ZEB2: variants seen among roughly 807,000 people sequenced by gnomAD.
ZEB2 encodes zinc finger E-box binding homeobox 2.
ZEB2 carries 6 observed loss-of-function variants against 99.9 expected under a neutral mutation model. The observed-to-expected ratio is 0.06, with a 90% confidence interval of 0.03 to 0.12. ZEB2 has a LOEUF of 0.12. ZEB2 is among the 10% of genes least tolerant of loss of function. The probability of loss-of-function intolerance (pLI) is 1.00; values close to 1 mark genes in which losing one functional copy is unlikely to be tolerated. For missense variants in ZEB2, 969 were observed against 1,502.8 expected (o/e 0.64, Z 5.87); for synonymous variants, 517 against 542.5 (o/e 0.95, Z 0.65).
chr2:144,513,611 G>A, intron 2 of ZEB2: 2 of 1,531,042 alleles, frequency 1.3e-6, no homozygotes, highest in African/African-American at 1.4e-5. Flanking sequence ...CTGGAAGGTG[G>A]CGGGATGGGG....
chr2:144,436,221 T>A (rs1477616411), intron 2 of ZEB2, among the ~76,000 whole-genome samples: 4 of 152,172 alleles, frequency 2.6e-5, no homozygotes, highest in Non-Finnish European at 5.9e-5. Context: ...TTTGAAATAT[T>A]CAGATGGAAT....
At chr2:144,405,165 G>C in intron 4 of ZEB2, 141 bp from the exon 5 acceptor site, 1 of 913,372 alleles carries the variant, frequency 1.1e-6, no homozygotes, top group Non-Finnish European at 1.7e-6. Flanking sequence ...TGTTGAAGAT[G>C]ACCGATTATT....
At position 144,398,318 on chromosome 2, in the gene ZEB2, G is replaced by C; in HGVS notation, c.2869C>G (p.Arg957Gly). Residue 957 changes from arginine (R) to glycine (G), a missense_variant, in exon 8 of 10, where the codon CGG becomes GGG. Arg to Gly is a moderately radical substitution (Grantham distance 125). Around this residue, in one of 8 missense-constraint regions of ZEB2, gnomAD observed 346 missense variants for 460.0 expected, o/e 0.75. Transcript: ENST00000627532. ...CTCTTTACCTGAAATCCTTGTTTCC[G>C]CTGGTACTTTCTCCTTTGCTGCATA... is the stretch of plus-strand genomic sequence containing the variant. ...ADMQQRRKYQRKQGFQGELLD... is the reference protein window; with the variant it reads ...ADMQQRRKYQGKQGFQGELLD... The C allele has an allele frequency of 6.2e-7, 1 of 1,613,516 alleles. No homozygotes were observed. The highest frequency in any genetic ancestry group is 8.5e-7 in the Non-Finnish European group (1 of 1,179,858).
At chr2:144,513,546 G>A (rs1705077546) in intron 2 of ZEB2, 3 of 1,529,802 alleles carry the variant, frequency 2.0e-6, no homozygotes, top group Non-Finnish European at 2.6e-6. Flanking sequence ...GCAGTTTCCG[G>A]ATTTGATTTT....
intron 4 of ZEB2, among the ~76,000 whole-genome samples, chr2:144,421,226 T>C (rs915101409): frequency 1.1e-4 from 16 of 152,186 alleles, no homozygotes; most frequent in African/African-American, 3.9e-4. Flanking sequence ...TCCATGGCGA[T>C]AAAGCAGCCC....
intron 2 of ZEB2, chr2:144,448,757 A>T (rs1278581383): frequency 1.3e-5 from 2 of 152,244 alleles, no homozygotes; most frequent in Non-Finnish European, 1.5e-5. Flanking sequence ...AGCTCCACAC[A>T]GTCCTACAGC....
At chr2:144,448,182 T>G (rs186451649) in intron 2 of ZEB2, among the ~76,000 whole-genome samples, 1 of 152,170 alleles carries the variant, frequency 6.6e-6, no homozygotes, top group Non-Finnish European at 1.5e-5. Context: ...TGACTTACAG[T>G]GGTAAGATTT....
chr2:144,490,554 TAC>T (rs1704662672), intron 2 of ZEB2, among the ~76,000 whole-genome samples: 3 of 152,228 alleles, frequency 2.0e-5, no homozygotes, highest in Non-Finnish European at 4.4e-5. Context: ...ACTGTTATTT[TAC>T]AGTTAGAGAT....
Position 144,389,791 on chromosome 2 carries a change from T to C in ZEB2, c.3305A>G (p.Glu1102Gly), listed in dbSNP as rs1299113124. ...CCGGTTCATCAGCAGCTCGGTGGGTTCCAAGTGCCCTTTCTCGCGCGCCTC... is the reference window on the plus strand; with the variant it reads ...CCGGTTCATCAGCAGCTCGGTGGGTCCCAAGTGCCCTTTCTCGCGCGCCTC... ...EREAREKGHL[E>G]PTELLMNRAY... Residue 1102 changes from glutamate (E) to glycine (G), a missense_variant, in exon 10 of 10, where the codon GAA becomes GGA. Glu to Gly is a moderately conservative substitution (Grantham distance 98). Transcript: ENST00000627532. The surrounding 1 kb of genome is among the most constrained non-coding windows in gnomAD (Gnocchi z 6.8). 14 of 1,610,570 alleles carry C rather than the reference T, an allele frequency of 8.7e-6. No individual in the cohort carries two copies. Among genetic ancestry groups the C allele is most frequent in the Non-Finnish European group, 1.2e-5 (14 of 1,177,696 alleles).
intron 2 of ZEB2, among the ~76,000 whole-genome samples, chr2:144,488,456 T>C (rs1704629275): frequency 6.6e-6 from 1 of 152,210 alleles, no homozygotes; most frequent in East Asian, 1.9e-4. Flanking sequence ...TTTAAATGAA[T>C]ACTGCTTAAA....
At chr2:144,430,796 C>T (rs1468798828) in intron 2 of ZEB2, 1 of 152,786 alleles carries the variant, frequency 6.5e-6, no homozygotes, top group Non-Finnish European at 1.5e-5. Context: ...TGCTCAGTAG[C>T]TTTTCTTAAA....
At chr2:144,456,572 T>C (rs1192652952) in intron 2 of ZEB2, among the ~76,000 whole-genome samples, 2 of 152,154 alleles carry the variant, frequency 1.3e-5, no homozygotes, top group South Asian at 2.1e-4. Flanking sequence ...TTCTTTAATA[T>C]ACTGTGTATC....
chr2:144,389,362 G>C lies in ZEB2; in HGVS notation c.*89C>G. ...ACAGCTTCCTGGAAGCGTCAGGCAC[G>C]TGCATGAACAGCTTAACACAGCAGT... On this transcript the variant is annotated 3_prime_UTR_variant, in exon 10 of 10. Coordinates refer to ENST00000627532, the MANE Select transcript of ZEB2 (RefSeq NM_014795.4). This position sits in a 1 kb window ranked among gnomAD's most constrained non-coding sequence, Gnocchi z 6.8. The C allele has an allele frequency of 1.2e-5, 17 of 1,454,660 alleles. No individual in the cohort carries two copies. Among genetic ancestry groups the C allele is most frequent in the Non-Finnish European group, 1.6e-5 (17 of 1,037,768 alleles). 90.1% of individuals were successfully genotyped at this position (1,454,660 alleles called of 1,614,324 possible).
intron 4 of ZEB2, among the ~76,000 whole-genome samples, chr2:144,412,348 T>G (rs542078997): frequency 6.6e-6 from 1 of 152,376 alleles, no homozygotes; most frequent in African/African-American, 2.4e-5. Context: ...AAATTTGGAA[T>G]TGGCATATTA....
At chr2:144,496,252 G>A (rs1289125913) in intron 2 of ZEB2, 3 of 152,182 alleles carry the variant, frequency 2.0e-5, no homozygotes, top group Non-Finnish European at 4.4e-5. Flanking sequence ...TCATAAGGCC[G>A]AGGAAGGCCT....
chr2:144,397,800 C>A, intron 8 of ZEB2: 1 of 258,482 alleles, frequency 3.9e-6, no homozygotes, highest in Non-Finnish European at 7.7e-6. Context: ...AGCACTACAC[C>A]CAGCTAATTT....
Position 144,398,617 on chromosome 2 carries a change from T to C in ZEB2, c.2570A>G (p.Asp857Gly). Residue 857 changes from aspartate (D) to glycine (G), a missense_variant, in exon 8 of 10, where the codon GAT becomes GGT. Asp to Gly is a moderately conservative substitution (Grantham distance 94). Around this residue, in one of 8 missense-constraint regions of ZEB2, gnomAD observed 346 missense variants for 460.0 expected, o/e 0.75. Coordinates refer to ENST00000627532, the MANE Select transcript of ZEB2 (RefSeq NM_014795.4). ...GATAAAAGTCAAGTTCAGAGGCTCA[T>C]CTGAGTTTTCAGATGAGGAAGAAAC... Reference protein sequence around the residue: ...NSVSSSSENSDEPLNLTFIKK... With the variant: ...NSVSSSSENSGEPLNLTFIKK... The C allele has an allele frequency of 6.2e-7, 1 of 1,614,196 alleles. No individual in the cohort carries two copies. The highest frequency in any genetic ancestry group is 1.7e-4 in the Middle Eastern group (1 of 6,058).
At chr2:144,414,335 G>A (rs1187567258) in intron 4 of ZEB2, among the ~76,000 whole-genome samples, 4 of 152,032 alleles carry the variant, frequency 2.6e-5, no homozygotes, top group Non-Finnish European at 5.9e-5. Flanking sequence ...TGAAAATGTT[G>A]GGCCCCTCAT....
intron 2 of ZEB2, chr2:144,494,266 A>G (rs1468238391): frequency 6.6e-6 from 1 of 152,112 alleles, no homozygotes; most frequent in Non-Finnish European, 1.5e-5. Context: ...CTCTTAAACT[A>G]TGTCCTATCA....
Sources: allele counts gnomAD v4.1 joint callset (sites outside exome capture counted in the v4.1 genomes callset), GRCh38; gene constraint gnomAD v4.1.1; regional missense constraint gnomAD v4.1.1; non-coding constraint Gnocchi (gnomAD v3.1); transcripts MANE v1.5; gene names NCBI Gene and HGNC (gene_info 2026-07-23, HGNC 2026-07-21).